GFAP: variants seen among roughly 807,000 people sequenced by gnomAD.
The protein encoded by GFAP is intermediate filament protein.
A neutral mutation model predicts 49.3 loss-of-function variants in GFAP; 38 were observed. The ratio of observed to expected loss-of-function variants is 0.77; its 90% CI spans 0.60 to 1.01. The LOEUF (loss-of-function observed/expected upper bound fraction) is 1.01. Among genes scored for constraint, GFAP ranks in the 50% least tolerant of loss-of-function variants. The pLI, the probability that GFAP is intolerant of heterozygous loss-of-function variation, is 0.00. For missense variants in GFAP, 463 were observed against 579.1 expected (o/e 0.80, Z 2.06); for synonymous variants, 222 against 236.4 (o/e 0.94, Z 0.56).
At chr17:44,907,931 C>T (rs1393337214) in intron 8 of GFAP, 133 bp downstream of exon 8, 2 of 781,766 alleles carry the variant, frequency 2.6e-6, no homozygotes, top group Middle Eastern at 2.2e-4. Flanking sequence ...TTGCTCTCCT[C>T]CAGAATTCCC....
At chr17:44,914,207 G>A (rs2051851717) in intron 1 of GFAP, 119 bp from the exon 2 acceptor site, 1 of 720,146 alleles carries the variant, frequency 1.4e-6, no homozygotes, top group Non-Finnish European at 2.5e-6. Context: ...CAGTAGAGCA[G>A]CAGGAGGATT....
Position 44,903,600 on chromosome 17 carries a change from C to T in GFAP, c.*3747G>A. On this transcript the variant is annotated 3_prime_UTR_variant, in exon 9 of 9. Coordinates refer to ENST00000588735, the MANE Select transcript of GFAP (RefSeq NM_002055.5). ...AAGGCCAGGTTCTAGAATGGCTTTC[C>T]CCCCCCACCCTGAGATCAGGTCTGG... 7 of 1,401,878 alleles carry T rather than the reference C, an allele frequency of 5.0e-6. No homozygotes were observed. Among genetic ancestry groups the T allele is most frequent in the Non-Finnish European group, 5.5e-6 (6 of 1,084,834 alleles). 86.8% of individuals were successfully genotyped at this position (1,401,878 alleles called of 1,614,324 possible).
chr17:44,915,419 C>T lies in GFAP; in HGVS notation c.68G>A (p.Gly23Glu), dbSNP rs1469741542. The T allele has an allele frequency of 6.2e-7, 1 of 1,608,166 alleles. No homozygotes were observed. Among genetic ancestry groups the T allele is most frequent in the African/African-American group, 1.3e-5 (1 of 74,852 alleles). Residue 23 changes from glycine to glutamate, a missense_variant, in exon 1 of 9, where the codon GGG (glycine) becomes GAG (glutamate). Physicochemically the swap from Gly to Glu is moderately conservative, Grantham distance 98. Around this residue, in one of 3 missense-constraint regions of GFAP, gnomAD observed 89 missense variants for 87.5 expected, o/e 1.02. Coordinates refer to ENST00000588735, the MANE Select transcript of GFAP (RefSeq NM_002055.5). The surrounding 1 kb of genome is among the most constrained non-coding windows in gnomAD (Gnocchi z 4.1). ...SYVSSGEMMVGGLAPGRRLGP... is the reference protein window; with the variant it reads ...SYVSSGEMMVEGLAPGRRLGP... Reference sequence around the variant, plus strand: ...CAGACGGCGGCCAGGAGCCAGGCCCCCCACCATCATCTCCCCTGAGGAGAC... The same window carrying T: ...CAGACGGCGGCCAGGAGCCAGGCCCTCCACCATCATCTCCCCTGAGGAGAC...
intron 7 of GFAP, chr17:44,910,105 G>A: frequency 1.2e-6 from 2 of 1,613,880 alleles, no homozygotes; most frequent in Non-Finnish European, 1.7e-6. Flanking sequence ...CTGTCAAGCT[G>A]GGCAAAGCGC....
Position 44,904,370 on chromosome 17 carries a change from T to G in GFAP, c.*2977A>C, listed in dbSNP as rs1445064768. The G allele has an allele frequency of 1.3e-6, 2 of 1,543,684 alleles. No homozygotes were observed. Among genetic ancestry groups the G allele is most frequent in the African/African-American group, 1.4e-5 (1 of 72,922 alleles). ...CTGGGAATGGACCCCCTGTGACCGCTGCGGAGTGCGTGGGGAGCAGTGGCG... is the reference window on the plus strand; with the variant it reads ...CTGGGAATGGACCCCCTGTGACCGCGGCGGAGTGCGTGGGGAGCAGTGGCG... On this transcript the variant is annotated 3_prime_UTR_variant, in exon 9 of 9. Coordinates refer to ENST00000588735, the MANE Select transcript of GFAP (RefSeq NM_002055.5).
Position 44,908,095 on chromosome 17 carries a change from A to C in GFAP, c.1226T>G (p.Val409Gly), listed in dbSNP as rs1567770657. ...VSEGHLKRNI[V>G]VKTVEMRDGE... The stretch of plus-strand genomic sequence containing the variant: ...ATCCCGCATCTCCACGGTCTTCACC[A>C]CGATGTTCCTCTTGAGGTGGCCTTC... The change falls in exon 8 of 9, where the codon GTG (valine) becomes GGG (glycine). Residue 409 changes from valine to glycine, a missense_variant. Physicochemically the swap from Val to Gly is moderately radical, Grantham distance 109. Transcript: ENST00000588735. 1 of 1,609,270 alleles carries C rather than the reference A, an allele frequency of 6.2e-7. No homozygotes were observed. Among genetic ancestry groups the C allele is most frequent in the African/African-American group, 1.3e-5 (1 of 74,974 alleles).
intron 4 of GFAP, 49 bp from the exon 5 acceptor site, chr17:44,911,846 C>G (rs992992024): frequency 1.3e-6 from 2 of 1,587,234 alleles, no homozygotes; most frequent in African/African-American, 1.3e-5. Context: ...TGGGCAGGCA[C>G]GGGCTCTGGG....
Position 44,914,101 on chromosome 17 carries a change from G to C in GFAP, c.462-13C>G, listed in dbSNP as rs1189175493. ...TTCATCCTGGAGCCTGGAGTGGGGG[G>C]ACACATTCCTGGGTCCAGGCTCTTC... On this transcript the variant is annotated splice_polypyrimidine_tract_variant and intron_variant, in intron 1 of 8. Transcript: ENST00000588735. The C allele has an allele frequency of 3.2e-6, 5 of 1,545,212 alleles. No homozygotes were observed. Among genetic ancestry groups the C allele is most frequent in the Non-Finnish European group, 4.4e-6 (5 of 1,140,698 alleles).
intron 4 of GFAP, among the ~76,000 whole-genome samples, chr17:44,912,108 G>A (rs1385880249): frequency 6.6e-6 from 1 of 150,704 alleles, no homozygotes. Flanking sequence ...TGTTTTGTGT[G>A]TTTTTGTTTT....
chr17:44,914,229 G>A, intron 1 of GFAP, 141 bp from the exon 2 acceptor site: 1 of 649,138 alleles, frequency 1.5e-6, no homozygotes, highest in Non-Finnish European at 2.8e-6. Flanking sequence ...AGGGTTGGGG[G>A]GCCTTAGACA....
chr17:44,904,323 A>C lies in GFAP; in HGVS notation c.*3024T>G. ...CCCTTTGCAGATGAATACTATGGGC[A>C]CCTCCATGTCTTCACCACCTTCTGG... On this transcript the variant is annotated 3_prime_UTR_variant, in exon 9 of 9. Transcript: ENST00000588735. 6.5e-7 allele frequency: 1 copy of C among 1,543,654 alleles called. No individual in the cohort carries two copies.
rs561489955 is a variant in GFAP at position 44,913,065 on chromosome 17, G to T, written c.780+204C>A. ...ACAGTATCAGCTACTACTAATAATA[G>T]CAATAGTAGCAGTAATAATAATGGG... On this transcript the variant is annotated intron_variant, in intron 4 of 8. Coordinates refer to ENST00000588735, the MANE Select transcript of GFAP (RefSeq NM_002055.5). 38 of 633,168 alleles carry T rather than the reference G, an allele frequency of 6.0e-5. No individual in the cohort carries two copies. The Admixed American group carries it at 8.2e-4, about 14-fold the overall frequency. The allele number at this position is 633,168 out of a possible 1,614,324, so 39.2% of individuals were successfully genotyped here.
rs948320568 is a variant in GFAP, at chr17:44,903,508, G to C, written c.*3839C>G. The C allele has an allele frequency of 1.6e-6, 2 of 1,280,692 alleles. No individual in the cohort carries two copies. The highest frequency in any genetic ancestry group is 3.1e-5 in the African/African-American group (2 of 65,138). 79.3% of individuals were successfully genotyped at this position (1,280,692 alleles called of 1,614,324 possible). A position where few individuals can be genotyped will look rare whatever the true frequency, so the allele number is the denominator to read the frequency against. ...TCTCCCTGCCCGAGCACCTCGGCCC[G>C]CCCTTCTCATTCCGGTTTCCTTTGA... On this transcript the variant is annotated 3_prime_UTR_variant, in exon 9 of 9. Coordinates refer to ENST00000588735, the MANE Select transcript of GFAP (RefSeq NM_002055.5).
chr17:44,903,183 A>G lies in GFAP; in HGVS notation c.*4164T>C. 1.6e-6 allele frequency: 2 copies of G among 1,270,250 alleles called. No homozygotes were observed. Among genetic ancestry groups the G allele is most frequent in the Admixed American group, 3.7e-5 (1 of 27,238 alleles). The allele number at this position is 1,270,250 out of a possible 1,614,324, so 78.7% of individuals were successfully genotyped here. A position where few individuals can be genotyped will look rare whatever the true frequency, so the allele number is the denominator to read the frequency against. On this transcript the variant is annotated 3_prime_UTR_variant, in exon 9 of 9. Transcript: ENST00000588735. ...ATAAAAGGGAAAAAGCAAAATCTTT[A>G]TGGTAAACAAACACTGATCTCCACA...
chr17:44,907,640 C>T (rs1597852587), intron 8 of GFAP: 5 of 595,380 alleles, frequency 8.4e-6, no homozygotes, highest in Non-Finnish European at 1.5e-5. Context: ...GTTGGAGTGG[C>T]GTGGCGGATA....
Sources: allele counts gnomAD v4.1 joint callset (sites outside exome capture counted in the v4.1 genomes callset), GRCh38; gene constraint gnomAD v4.1.1; regional missense constraint gnomAD v4.1.1; non-coding constraint Gnocchi (gnomAD v3.1); transcripts MANE v1.5; gene names NCBI Gene and HGNC (gene_info 2026-07-23, HGNC 2026-07-21).